RGS7BP: variants seen among roughly 807,000 people sequenced by gnomAD.
RGS7BP encodes the protein regulator of G protein signaling 7 binding protein.
Under a neutral mutation model 31.3 loss-of-function variants are expected in RGS7BP, and 9 were observed. That is an observed-to-expected ratio of 0.29 (90% CI 0.17 to 0.50). The LOEUF (loss-of-function observed/expected upper bound fraction) is 0.50. RGS7BP is among the 20% of genes least tolerant of loss of function. The pLI, the probability that RGS7BP is intolerant of heterozygous loss-of-function variation, is 0.98. For missense variants in RGS7BP, 274 were observed against 322.0 expected (o/e 0.85, Z 1.14); for synonymous variants, 115 against 120.1 (o/e 0.96, Z 0.28).
At position 64,607,392 on chromosome 5, in the gene RGS7BP, T is replaced by C. The variant is rs114425467; in HGVS notation, c.683-1769T>C. Among the ~76,000 whole-genome samples the C allele has an allele frequency of 3.4e-3, 524 of 152,186 alleles. 4 individuals are homozygous for C. Among genetic ancestry groups the C allele is most frequent in the Admixed American group, 8.4e-3 (128 of 15,268 alleles). On this transcript the variant is annotated intron_variant, in intron 5 of 5. Coordinates refer to ENST00000334025, the MANE Select transcript of RGS7BP (RefSeq NM_001029875.3). ...AGGTGGTCAGGCTACAACTTGGTTT[T>C]ATACGTGTAGGAAGACATAAGACAT... is the stretch of plus-strand genomic sequence containing the variant.
intron 2 of RGS7BP, among the ~76,000 whole-genome samples, chr5:64,553,509 T>C (rs192002644): frequency 1.7e-4 from 26 of 152,256 alleles, no homozygotes; most frequent in Non-Finnish European, 2.6e-4. Flanking sequence ...ACATTCTTTC[T>C]TTCTTTTCTT....
chr5:64,608,949 C>T lies in RGS7BP; in HGVS notation c.683-212C>T, dbSNP rs528869819. On this transcript the variant is annotated intron_variant, in intron 5 of 5. Transcript: ENST00000334025. ...GGTTGCCACAAATTGTCATACAGTG[C>T]TACTGGCATCTGATGAATTGAGGGA... 2.9e-4 allele frequency among the ~76,000 whole-genome samples: 44 copies of T among 152,122 alleles called. No homozygotes were observed. The South Asian group carries it at 7.7e-3, about 27-fold the overall frequency.
chr5:64,561,598 G>A (rs1353612928), intron 2 of RGS7BP, among the ~76,000 whole-genome samples: 2 of 152,128 alleles, frequency 1.3e-5, no homozygotes, highest in African/African-American at 4.8e-5. Flanking sequence ...TAAGTGCTTA[G>A]CATGGTGTCT....
intron 2 of RGS7BP, among the ~76,000 whole-genome samples, chr5:64,564,234 C>T (rs1742119564): frequency 6.6e-6 from 1 of 152,130 alleles, no homozygotes; most frequent in South Asian, 2.1e-4. Flanking sequence ...ACTCTGCCCA[C>T]AAACACTGCA....
chr5:64,538,127 A>G (rs1458090103), intron 2 of RGS7BP, among the ~76,000 whole-genome samples: 1 of 152,206 alleles, frequency 6.6e-6, no homozygotes, highest in Non-Finnish European at 1.5e-5. Flanking sequence ...GCTAATTTTA[A>G]TTAATATTAT....
chr5:64,607,437 G>C (rs946759723), intron 5 of RGS7BP, among the ~76,000 whole-genome samples: 1 of 152,064 alleles, frequency 6.6e-6, no homozygotes, highest in African/African-American at 2.4e-5. Context: ...CACATAAGAT[G>C]TATATCGGTT....
chr5:64,538,546 CTTTTTT>C (rs1191560944), intron 2 of RGS7BP, among the ~76,000 whole-genome samples: 8 of 40,036 alleles, frequency 2.0e-4, no homozygotes, highest in African/African-American at 7.8e-4. Flanking sequence ...TTTTCCTTTT[CTTTTTT>C]TTTTTTTTTT....
intron 2 of RGS7BP, among the ~76,000 whole-genome samples, chr5:64,551,601 A>G (rs1017946189): frequency 6.6e-6 from 1 of 152,008 alleles, no homozygotes; most frequent in Non-Finnish European, 1.5e-5. Flanking sequence ...ATCTTTAGAC[A>G]TCAAGTATTT....
At chr5:64,599,775 A>G (rs1207591840) in intron 5 of RGS7BP, among the ~76,000 whole-genome samples, 1 of 152,234 alleles carries the variant, frequency 6.6e-6, no homozygotes, top group Admixed American at 6.5e-5. Flanking sequence ...TTGGGTTCAA[A>G]TGCAGGCTCT....
intron 2 of RGS7BP, among the ~76,000 whole-genome samples, chr5:64,545,871 T>G (rs1030196397): frequency 1.4e-4 from 21 of 152,184 alleles, no homozygotes; most frequent in African/African-American, 4.8e-4. Flanking sequence ...AATAGGCTGC[T>G]AGATAAATGG....
chr5:64,511,963 G>A (rs970722144), intron 2 of RGS7BP, among the ~76,000 whole-genome samples: 9 of 152,248 alleles, frequency 5.9e-5, no homozygotes, highest in Admixed American at 3.3e-4. Context: ...TCTAAGACTG[G>A]GACTTGGATC....
chr5:64,530,390 T>C (rs1276395140), intron 2 of RGS7BP, among the ~76,000 whole-genome samples: 3 of 152,306 alleles, frequency 2.0e-5, no homozygotes, highest in Non-Finnish European at 4.4e-5. Flanking sequence ...ATGACAAAAA[T>C]AGCTTCAAGA....
At chr5:64,511,626 A>G (rs181651212) in intron 2 of RGS7BP, among the ~76,000 whole-genome samples, 6 of 152,296 alleles carry the variant, frequency 3.9e-5, no homozygotes, top group African/African-American at 1.4e-4. Context: ...CTTCCTTCTC[A>G]AAGTGACTTC....
intron 2 of RGS7BP, among the ~76,000 whole-genome samples, chr5:64,560,185 A>T (rs1309277971): frequency 6.6e-6 from 1 of 152,182 alleles, no homozygotes; most frequent in African/African-American, 2.4e-5. Flanking sequence ...TCTAGCATTT[A>T]AAAACAATTT....
chr5:64,584,662 G>T (rs556817696), intron 3 of RGS7BP, among the ~76,000 whole-genome samples: 2 of 152,334 alleles, frequency 1.3e-5, no homozygotes, highest in South Asian at 4.1e-4. Flanking sequence ...TGCTACTCTG[G>T]GGGCTGTGGC....
rs184148022 is a variant in RGS7BP at position 64,555,299 on chromosome 5, A to G, written c.333-20475A>G. On this transcript the variant is annotated intron_variant, in intron 2 of 5. Transcript: ENST00000334025. The stretch of plus-strand genomic sequence containing the variant: ...AATGAACACCTTGCCACACTTCGCA[A>G]TTGGCTGTTTTCTTATGAACTAAAG... 7.9e-4 allele frequency among the ~76,000 whole-genome samples: 120 copies of G among 152,284 alleles called. 1 individual carries two copies. The highest frequency in any genetic ancestry group is 4.3e-4 in the Non-Finnish European group (29 of 68,008).
intron 3 of RGS7BP, 65 bp from the exon 4 acceptor site, chr5:64,594,645 C>A: frequency 6.6e-7 from 1 of 1,518,562 alleles, no homozygotes; most frequent in Non-Finnish European, 9.1e-7. Context: ...TGACATCCTG[C>A]ATATAGAACC....
intron 4 of RGS7BP, among the ~76,000 whole-genome samples, chr5:64,596,792 T>C (rs1182404530): frequency 6.6e-6 from 1 of 152,158 alleles, no homozygotes; most frequent in Admixed American, 6.5e-5. Flanking sequence ...CTTGAGTTCC[T>C]CTTCACATAT....
chr5:64,530,902 G>A (rs1467331558), intron 2 of RGS7BP, among the ~76,000 whole-genome samples: 1 of 152,110 alleles, frequency 6.6e-6, no homozygotes, highest in Non-Finnish European at 1.5e-5. Context: ...TTGGAAAATG[G>A]ACACAAACCA....
Sources: gnomAD v4.1 joint callset for allele counts (sites outside exome capture counted in the v4.1 genomes callset) on GRCh38, gnomAD v4.1.1 for gene constraint, MANE v1.5 for transcripts, NCBI Gene and HGNC (gene_info 2026-07-23, HGNC 2026-07-21) for gene names.